Variants in RALGAPA1 observed in about 807,000 individuals in gnomAD.
RALGAPA1 encodes the protein ral GTPase-activating protein subunit alpha-1.
RALGAPA1 carries 52 observed loss-of-function variants against 269.6 expected under a neutral mutation model. The ratio of observed to expected loss-of-function variants is 0.19; its 90% CI spans 0.15 to 0.24. RALGAPA1 has a LOEUF of 0.24. Among genes scored for constraint, RALGAPA1 ranks in the 10% least tolerant of loss-of-function variants. RALGAPA1 has a pLI of 1.00. For missense variants in RALGAPA1, 1,917 were observed against 3,013.9 expected (o/e 0.64, Z 8.52); for synonymous variants, 817 against 1,008.3 (o/e 0.81, Z 3.60).
intron 16 of RALGAPA1, among the ~76,000 whole-genome samples, chr14:35,705,116 C>T (rs1178451188): frequency 6.6e-6 from 1 of 152,086 alleles, no homozygotes; most frequent in African/African-American, 2.4e-5. Context: ...TTATTAACAT[C>T]TTGTATTAGC....
chr14:35,620,224 G>A (rs1354230556), intron 35 of RALGAPA1, among the ~76,000 whole-genome samples: 3 of 152,050 alleles, frequency 2.0e-5, no homozygotes, highest in Admixed American at 2.0e-4. Flanking sequence ...ATCAATAAAC[G>A]TCATCCATCA....
chr14:35,598,812 G>A (rs766581149), intron 36 of RALGAPA1, among the ~76,000 whole-genome samples: 1 of 152,138 alleles, frequency 6.6e-6, no homozygotes, highest in Non-Finnish European at 1.5e-5. Context: ...CTTTTAATTG[G>A]TACATTTAGA....
chr14:35,557,727 T>C (rs1231196822), intron 39 of RALGAPA1, among the ~76,000 whole-genome samples: 2 of 152,206 alleles, frequency 1.3e-5, no homozygotes, highest in African/African-American at 2.4e-5. Flanking sequence ...TATGGAATAG[T>C]AGTAAATTTT....
At chr14:35,744,371 C>A (rs1425680206) in intron 10 of RALGAPA1, among the ~76,000 whole-genome samples, 164 of 139,520 alleles carry the variant, frequency 1.2e-3, no homozygotes, top group Middle Eastern at 3.7e-3. Context: ...GACTCCATCT[C>A]AAAAAAAAAA....
Position 35,662,009 on chromosome 14 carries a change from G to T in RALGAPA1, c.5328+2633C>A, listed in dbSNP as rs551987263. ...AGATGTATACGAGCGTTTCTTTGGT[G>T]ATGACGAAAATGTTCTAATATTGAC... On this transcript the variant is annotated intron_variant, in intron 27 of 41. Transcript: ENST00000680220. 3.3e-5 allele frequency among the ~76,000 whole-genome samples: 5 copies of T among 152,254 alleles called. No individual in the cohort carries two copies. The East Asian group carries it at 9.6e-4, about 29-fold the overall frequency.
At chr14:35,735,510 G>A (rs1249693650) in intron 12 of RALGAPA1, among the ~76,000 whole-genome samples, 1 of 152,180 alleles carries the variant, frequency 6.6e-6, no homozygotes, top group Non-Finnish European at 1.5e-5. Flanking sequence ...GCTAAGCTAT[G>A]AGGACACAAA....
At chr14:35,644,653 G>A (rs1223133298) in intron 31 of RALGAPA1, among the ~76,000 whole-genome samples, 1 of 152,144 alleles carries the variant, frequency 6.6e-6, no homozygotes, top group Non-Finnish European at 1.5e-5. Context: ...AATCAATATG[G>A]AAACCAGATT....
chr14:35,765,936 G>A (rs12586147), intron 4 of RALGAPA1: 21,960 of 1,321,698 alleles, frequency 0.017, 1,246 homozygotes, highest in South Asian at 0.14. Flanking sequence ...TGCAGAAGGC[G>A]TATTTGGACC....
intron 26 of RALGAPA1, among the ~76,000 whole-genome samples, chr14:35,668,307 A>C (rs2064120087): frequency 6.6e-6 from 1 of 151,988 alleles, no homozygotes; most frequent in Non-Finnish European, 1.5e-5. Flanking sequence ...AAATGGTGAA[A>C]CCTCGTCTCT....
In RALGAPA1 at chr14:35,666,623, T is replaced by A. The variant is rs540407566; in HGVS notation, c.5203-1856A>T. 3.3e-5 allele frequency among the ~76,000 whole-genome samples: 5 copies of A among 152,366 alleles called. No homozygotes were observed. In the East Asian group the frequency reaches 9.6e-4, roughly 29 times the overall value. ...ATTCTTGCAATGATTTGGTTTCCTA[T>A]GCAGCCTTTCTCAACAGGTATCCCT... On this transcript the variant is annotated intron_variant, in intron 26 of 41. Coordinates refer to ENST00000680220, the MANE Select transcript of RALGAPA1 (RefSeq NM_001346249.2).
chr14:35,711,175 T>G (rs1443141586), intron 16 of RALGAPA1, among the ~76,000 whole-genome samples: 1 of 152,260 alleles, frequency 6.6e-6, no homozygotes, highest in African/African-American at 2.4e-5. Context: ...TTCCTTTATC[T>G]GTTGAGACAG....
intron 27 of RALGAPA1, among the ~76,000 whole-genome samples, chr14:35,664,091 G>A (rs1402484130): frequency 1.3e-5 from 2 of 152,058 alleles, no homozygotes; most frequent in Non-Finnish European, 2.9e-5. Context: ...GGACACAATT[G>A]TCTTTTTTTT....
intron 16 of RALGAPA1, among the ~76,000 whole-genome samples, chr14:35,702,417 A>G (rs1490142200): frequency 6.6e-6 from 1 of 152,232 alleles, no homozygotes; most frequent in African/African-American, 2.4e-5. Flanking sequence ...GATAATGGCA[A>G]CAATTTGTCT....
intron 6 of RALGAPA1, among the ~76,000 whole-genome samples, 195 bp from the exon 7 acceptor site, chr14:35,757,103 T>A (rs1272334622): frequency 1.5e-5 from 2 of 133,130 alleles, no homozygotes; most frequent in African/African-American, 3.2e-5. Context: ...TTTATTTATT[T>A]ATTATTATTA....
At chr14:35,594,706 C>A (rs1471004123) in intron 37 of RALGAPA1, among the ~76,000 whole-genome samples, 1 of 146,860 alleles carries the variant, frequency 6.8e-6, no homozygotes, top group African/African-American at 2.5e-5. Flanking sequence ...GAAATGTAGA[C>A]TGTACAGCAA....
intron 4 of RALGAPA1, chr14:35,766,011 G>A (rs1054385433): frequency 2.9e-5 from 40 of 1,401,272 alleles, no homozygotes; most frequent in Non-Finnish European, 4.0e-5. Context: ...TCTCCACTTT[G>A]AGAATGAAGA....
chr14:35,690,822 C>T (rs1159123439), intron 17 of RALGAPA1, among the ~76,000 whole-genome samples: 4 of 152,060 alleles, frequency 2.6e-5, no homozygotes, highest in Non-Finnish European at 4.4e-5. Context: ...ATAATCCCAG[C>T]ACTCTGGGAG....
chr14:35,553,726 A>C (rs1033688272), intron 39 of RALGAPA1, among the ~76,000 whole-genome samples: 1 of 152,232 alleles, frequency 6.6e-6, no homozygotes, highest in Non-Finnish European at 1.5e-5. Flanking sequence ...GGAATTATAA[A>C]AATTACAACT....
chr14:35,627,693 A>T lies in RALGAPA1; in HGVS notation c.6254T>A (p.Met2085Lys). The T allele has an allele frequency of 6.2e-7, 1 of 1,603,198 alleles. No individual in the cohort carries two copies. The highest frequency in any genetic ancestry group is 1.1e-5 in the South Asian group (1 of 88,544). The change falls in exon 34 of 42, where the codon ATG becomes AAG. Residue 2085 changes from methionine (M) to lysine (K), a missense_variant. By Grantham distance (95) the Met-to-Lys change is moderately conservative (BLOSUM62 -1). Coordinates refer to ENST00000680220, the MANE Select transcript of RALGAPA1 (RefSeq NM_001346249.2). ...GCCAGCAGATAAACCTCCTCCAGGC[A>T]TATTCTCTTCTGATCTGATCTGGAT... ...SCIQIRSEEN[M>K]PGGGLSAGLA...
Sources: gnomAD v4.1 joint callset for allele counts (sites outside exome capture counted in the v4.1 genomes callset) on GRCh38, gnomAD v4.1.1 for gene constraint, MANE v1.5 for transcripts, NCBI Gene and HGNC (gene_info 2026-07-23, HGNC 2026-07-21) for gene names.